ADAMTSL1: variants seen among roughly 807,000 people sequenced by gnomAD.
The protein encoded by ADAMTSL1 is ADAMTS like 1.
In ADAMTSL1, 126 loss-of-function variants were observed where a neutral mutation model predicts 201.8. The ratio of observed to expected loss-of-function variants is 0.62; its 90% CI spans 0.54 to 0.72. The LOEUF (loss-of-function observed/expected upper bound fraction) is 0.72, where lower values mean the gene tolerates loss of function less well. ADAMTSL1 is among the 30% of genes least tolerant of loss of function. ADAMTSL1 has a pLI of 0.00. For synonymous variants in ADAMTSL1, 1,121 were observed against 903.4 expected, an observed-to-expected ratio of 1.24 and a Z score of -4.32; for missense variants, 2,679 against 2,277.8, an observed-to-expected ratio of 1.18 and a Z score of -3.59.
chr9:18,900,982 G>C (rs1010198982), intron 26 of ADAMTSL1, among the ~76,000 whole-genome samples: 5 of 152,018 alleles, frequency 3.3e-5, no homozygotes, highest in African/African-American at 4.8e-5. Context: ...AAAAACAAAA[G>C]AGAGTCTGGT....
chr9:18,629,328 C>T lies in ADAMTSL1; in HGVS notation c.602-6615C>T, dbSNP rs138411266. Among the ~76,000 whole-genome samples, 17 of 152,126 alleles carry T rather than the reference C, an allele frequency of 1.1e-4. No individual in the cohort carries two copies. In the East Asian group the frequency reaches 2.3e-3, roughly 21 times the overall value. ...TGGAGGTCCTTATCTTATTCCTAATCTTAAGAGGAAAGCATTCAGTTTCTC... is the reference window on the plus strand; with the variant it reads ...TGGAGGTCCTTATCTTATTCCTAATTTTAAGAGGAAAGCATTCAGTTTCTC... On this transcript the variant is annotated intron_variant, in intron 5 of 28. Coordinates refer to ENST00000380548, the MANE Select transcript of ADAMTSL1 (RefSeq NM_001040272.6).
At chr9:18,497,466 C>A (rs1822588478) in intron 1 of ADAMTSL1, among the ~76,000 whole-genome samples, 2 of 152,096 alleles carry the variant, frequency 1.3e-5, no homozygotes. Flanking sequence ...AACAGACTGA[C>A]AGGCTATTTC....
chr9:18,142,514 C>T (rs1826445557), intron 1 of ADAMTSL1, among the ~76,000 whole-genome samples: 1 of 152,196 alleles, frequency 6.6e-6, no homozygotes, highest in Non-Finnish European at 1.5e-5. Context: ...TTCTGTCCCT[C>T]AGGTTTTACA....
rs368626636 is a variant in ADAMTSL1 at position 18,180,137 on chromosome 9, C to T, written c.207+16156C>T. Among the ~76,000 whole-genome samples, 245 of 152,200 alleles carry T rather than the reference C, an allele frequency of 1.6e-3. 3 individuals carry two copies. The highest frequency in any genetic ancestry group is 2.2e-4 in the Non-Finnish European group (15 of 68,010). The stretch of plus-strand genomic sequence containing the variant: ...TGCTGTATTCAGGAAACCCATCTCA[C>T]GTGCAGAGACACACATAGGCTCAAA... On this transcript the variant is annotated intron_variant, in intron 2 of 29. Transcript: ENST00000680146.
chr9:18,564,547 G>A (rs1309768366), intron 3 of ADAMTSL1, among the ~76,000 whole-genome samples: 1 of 152,218 alleles, frequency 6.6e-6, no homozygotes, highest in Non-Finnish European at 1.5e-5. Flanking sequence ...AGGAATTTAT[G>A]TGCTGAAATA....
chr9:18,186,774 T>C (rs1483487012), intron 2 of ADAMTSL1, among the ~76,000 whole-genome samples: 2 of 152,094 alleles, frequency 1.3e-5, no homozygotes, highest in African/African-American at 2.4e-5. Context: ...TGGTCATTGG[T>C]CATGCTGGGA....
intron 12 of ADAMTSL1, among the ~76,000 whole-genome samples, chr9:18,683,283 G>A (rs1308953346): frequency 6.8e-6 from 1 of 147,078 alleles, no homozygotes; most frequent in Non-Finnish European, 1.5e-5. Flanking sequence ...GGAGTTCAGT[G>A]GCGTGATCTC....
intron 21 of ADAMTSL1, among the ~76,000 whole-genome samples, chr9:18,818,213 C>G (rs1488832560): frequency 1.3e-5 from 2 of 152,108 alleles, no homozygotes; most frequent in African/African-American, 4.8e-5. Flanking sequence ...AACTAGTCTT[C>G]TGATTGCTGT....
chr9:18,079,772 C>A (rs1009152625), intron 1 of ADAMTSL1, among the ~76,000 whole-genome samples: 5 of 151,798 alleles, frequency 3.3e-5, no homozygotes, highest in African/African-American at 1.2e-4. Context: ...CTGAAGAGTA[C>A]CATGGTGGAA....
chr9:18,158,925 C>T (rs1417349500), intron 1 of ADAMTSL1, among the ~76,000 whole-genome samples: 1 of 151,962 alleles, frequency 6.6e-6, no homozygotes, highest in East Asian at 1.9e-4. Context: ...ATCATTTCCT[C>T]CTAATACTTA....
chr9:18,450,173 C>T (rs568000994), intron 2 of ADAMTSL1, among the ~76,000 whole-genome samples: 5 of 152,136 alleles, frequency 3.3e-5, no homozygotes, highest in South Asian at 2.1e-4. Context: ...ATCCATACAA[C>T]GAATGTACAT....
chr9:18,210,912 G>A (rs923282140), intron 2 of ADAMTSL1, among the ~76,000 whole-genome samples: 3 of 151,654 alleles, frequency 2.0e-5, no homozygotes, highest in Non-Finnish European at 4.4e-5. Context: ...TCTAGAGACA[G>A]AGACATTAGA....
intron 1 of ADAMTSL1, among the ~76,000 whole-genome samples, chr9:18,099,355 A>ATATTT (rs1239180390): frequency 4.4e-5 from 2 of 45,562 alleles, no homozygotes; most frequent in East Asian, 6.0e-4. Context: ...ATATATATAT[A>ATATTT]TTTTTTTTTT....
chr9:18,289,135 G>A (rs370725997), intron 2 of ADAMTSL1, among the ~76,000 whole-genome samples: 9 of 145,214 alleles, frequency 6.2e-5, no homozygotes, highest in African/African-American at 1.9e-4. Flanking sequence ...ATATATGTCT[G>A]TCTATCTATC....
intron 23 of ADAMTSL1, among the ~76,000 whole-genome samples, chr9:18,884,903 T>C (rs1345832145): frequency 2.0e-5 from 3 of 152,178 alleles, no homozygotes; most frequent in Non-Finnish European, 4.4e-5. Context: ...AATTTTAGCA[T>C]GAGATTCTCT....
At chr9:18,115,427 A>G (rs985190788) in intron 1 of ADAMTSL1, among the ~76,000 whole-genome samples, 1 of 152,162 alleles carries the variant, frequency 6.6e-6, no homozygotes, top group African/African-American at 2.4e-5. Context: ...GTCTACAATT[A>G]TGGGAATAAA....
chr9:18,762,074 C>T (rs1278528687), intron 16 of ADAMTSL1, among the ~76,000 whole-genome samples: 1 of 152,194 alleles, frequency 6.6e-6, no homozygotes, highest in East Asian at 1.9e-4. Flanking sequence ...TTTTGCTCAT[C>T]CAATCATCAA....
chr9:18,759,964 A>C (rs955779920), intron 16 of ADAMTSL1, among the ~76,000 whole-genome samples: 4 of 152,158 alleles, frequency 2.6e-5, no homozygotes, highest in African/African-American at 9.7e-5. Context: ...AGTTTGGCTC[A>C]GCTATGACCT....
intron 1 of ADAMTSL1, among the ~76,000 whole-genome samples, chr9:18,475,437 A>G (rs1202935664): frequency 6.6e-6 from 1 of 152,230 alleles, no homozygotes; most frequent in Non-Finnish European, 1.5e-5. Context: ...GTAATCAGAC[A>G]GTGATTCAAT....
Sources: allele counts gnomAD v4.1 joint callset (sites outside exome capture counted in the v4.1 genomes callset), GRCh38; gene constraint gnomAD v4.1.1; transcripts MANE v1.5; gene names NCBI Gene and HGNC (gene_info 2026-07-23, HGNC 2026-07-21).